DSCAML1: variants seen among roughly 807,000 people sequenced by gnomAD.
The protein encoded by DSCAML1 is cell adhesion molecule DSCAML1.
In DSCAML1, 38 loss-of-function variants were observed where a neutral mutation model predicts 200.5. That is an observed-to-expected ratio of 0.19 (90% CI 0.15 to 0.25). The LOEUF (loss-of-function observed/expected upper bound fraction) is 0.25. Among genes scored for constraint, DSCAML1 ranks in the 10% least tolerant of loss-of-function variants. The probability of loss-of-function intolerance (pLI) is 1.00; values close to 1 mark genes in which losing one functional copy is unlikely to be tolerated. For missense variants in DSCAML1, 2,223 were observed against 2,858.8 expected, an observed-to-expected ratio of 0.78 and a Z score of 5.07; for synonymous variants, 1,215 against 1,165.0, an observed-to-expected ratio of 1.04 and a Z score of -0.87.
At chr11:117,658,611 C>T (rs781562087) in intron 3 of DSCAML1, among the ~76,000 whole-genome samples, 1 of 152,166 alleles carries the variant, frequency 6.6e-6, no homozygotes, top group Non-Finnish European at 1.5e-5. Context: ...AGGCTGGACT[C>T]CATCCAAAGG....
Position 117,707,990 on chromosome 11 carries a change from A to T in DSCAML1, c.511+68801T>A, listed in dbSNP as rs542311685. Reference sequence around the variant, plus strand: ...GGATGCCCATTCTAGACTTACCAAGACATGAAGACTGCATTAGGGCAATGG... The same window carrying T: ...GGATGCCCATTCTAGACTTACCAAGTCATGAAGACTGCATTAGGGCAATGG... On this transcript the variant is annotated intron_variant, in intron 3 of 32. Transcript: ENST00000651296. Among the ~76,000 whole-genome samples, 245 of 152,278 alleles carry T rather than the reference A, an allele frequency of 1.6e-3. 1 individual carries two copies. The highest frequency in any genetic ancestry group is 5.6e-3 in the African/African-American group (231 of 41,546).
At chr11:117,611,629 A>G (rs2051695964) in intron 3 of DSCAML1, 1 of 152,178 alleles carries the variant, frequency 6.6e-6, no homozygotes, top group Admixed American at 6.5e-5. Context: ...ATCTGGGTGA[A>G]CGCCATCAGT....
intron 3 of DSCAML1, among the ~76,000 whole-genome samples, chr11:117,581,378 C>G (rs1021641669): frequency 2.6e-5 from 4 of 152,142 alleles, no homozygotes; most frequent in African/African-American, 9.7e-5. Context: ...TCTGAAAGGT[C>G]TGACATACCA....
chr11:117,577,928 T>G (rs779121639), intron 3 of DSCAML1, among the ~76,000 whole-genome samples: 5 of 151,500 alleles, frequency 3.3e-5, no homozygotes, highest in Non-Finnish European at 7.4e-5. Context: ...TGACCCCTCT[T>G]GCCTATTAAA....
intron 3 of DSCAML1, among the ~76,000 whole-genome samples, chr11:117,733,063 A>G (rs946637594): frequency 2.0e-5 from 3 of 152,134 alleles, no homozygotes; most frequent in African/African-American, 7.2e-5. Context: ...GAATATCATC[A>G]GGGGTGAACT....
intron 3 of DSCAML1, among the ~76,000 whole-genome samples, chr11:117,534,006 A>AG (rs1246593819): frequency 6.6e-6 from 1 of 152,216 alleles, no homozygotes; most frequent in East Asian, 1.9e-4. Context: ...TCAAAGCTGC[A>AG]GGGGAGAGGG....
intron 14 of DSCAML1, among the ~76,000 whole-genome samples, chr11:117,477,715 C>G (rs2048826962): frequency 1.3e-5 from 2 of 152,224 alleles, no homozygotes; most frequent in African/African-American, 4.8e-5. Flanking sequence ...GTAGGCATCA[C>G]CACCCCTACT....
At chr11:117,786,997 A>G (rs920447478) in intron 1 of DSCAML1, among the ~76,000 whole-genome samples, 1 of 152,300 alleles carries the variant, frequency 6.6e-6, no homozygotes, top group Admixed American at 6.5e-5. Context: ...CTCCCTTGCA[A>G]GGCCATTAGC....
intron 3 of DSCAML1, among the ~76,000 whole-genome samples, chr11:117,671,994 G>A (rs952225024): frequency 7.6e-4 from 115 of 151,632 alleles, no homozygotes; most frequent in African/African-American, 2.6e-3. Context: ...CCAGCTACTC[G>A]GGAGGGTGAG....
At chr11:117,530,346 A>AC in intron 4 of DSCAML1, among the ~76,000 whole-genome samples, 1 of 152,264 alleles carries the variant, frequency 6.6e-6, no homozygotes, top group Non-Finnish European at 1.5e-5. Context: ...GGCCTGCAGG[A>AC]AGGGGATTTC....
At chr11:117,532,001 A>G (rs2050088676) in intron 4 of DSCAML1, among the ~76,000 whole-genome samples, 1 of 152,010 alleles carries the variant, frequency 6.6e-6, no homozygotes, top group Admixed American at 6.6e-5. Context: ...AAGAAAAGAA[A>G]GAAAGGATAG....
chr11:117,756,201 G>A (rs1229544926), intron 3 of DSCAML1, among the ~76,000 whole-genome samples: 6 of 152,232 alleles, frequency 3.9e-5, no homozygotes, highest in South Asian at 2.1e-4. Flanking sequence ...GCTGGGGACA[G>A]GAAGGAAGGT....
intron 28 of DSCAML1, 67 bp from the exon 29 acceptor site, chr11:117,433,323 G>A (rs1449729322): frequency 6.4e-7 from 1 of 1,568,144 alleles, no homozygotes; most frequent in Non-Finnish European, 8.7e-7. Flanking sequence ...GGGCTCTGCA[G>A]GACAGTGGGA....
intron 3 of DSCAML1, among the ~76,000 whole-genome samples, chr11:117,633,453 T>C (rs1323980609): frequency 6.6e-6 from 1 of 152,198 alleles, no homozygotes; most frequent in African/African-American, 2.4e-5. Context: ...AAAACTGGGT[T>C]AAAAATGGCT....
chr11:117,754,510 G>A (rs113858735), intron 3 of DSCAML1, among the ~76,000 whole-genome samples: 6,944 of 152,102 alleles, frequency 0.046, 229 homozygotes, highest in Non-Finnish European at 0.07. Context: ...GGGAGCGGGG[G>A]GTGTGAGAAT....
chr11:117,774,460 T>C (rs2055095046), intron 3 of DSCAML1, among the ~76,000 whole-genome samples: 1 of 152,228 alleles, frequency 6.6e-6, no homozygotes, highest in Admixed American at 6.5e-5. Flanking sequence ...TTGATTCATT[T>C]CATTCTTACT....
chr11:117,566,177 T>C (rs1388778619), intron 3 of DSCAML1, among the ~76,000 whole-genome samples: 1 of 152,224 alleles, frequency 6.6e-6, no homozygotes, highest in Non-Finnish European at 1.5e-5. Flanking sequence ...CGGAGACCTA[T>C]AGAGTGACTT....
chr11:117,616,250 G>A (rs1443497426), intron 3 of DSCAML1, among the ~76,000 whole-genome samples: 2 of 152,152 alleles, frequency 1.3e-5, no homozygotes, highest in Non-Finnish European at 2.9e-5. Flanking sequence ...GGATGGATTG[G>A]GCTGTGGACC....
chr11:117,804,028 C>T (rs993908869), intron 1 of DSCAML1, among the ~76,000 whole-genome samples: 1 of 152,182 alleles, frequency 6.6e-6, no homozygotes, highest in Non-Finnish European at 1.5e-5. Context: ...GCATTGTGGA[C>T]CGAGACCCTC....
Sources: allele counts gnomAD v4.1 joint callset (sites outside exome capture counted in the v4.1 genomes callset), GRCh38; gene constraint gnomAD v4.1.1; transcripts MANE v1.5; gene names NCBI Gene and HGNC (gene_info 2026-07-23, HGNC 2026-07-21).